MARCHF5: variants seen among roughly 807,000 people sequenced by gnomAD.
MARCHF5 encodes membrane associated ring-CH-type finger 5.
Under a neutral mutation model 36.5 loss-of-function variants are expected in MARCHF5, and 5 were observed. The ratio of observed to expected loss-of-function variants is 0.14; its 90% confidence interval spans 0.07 to 0.29. The LOEUF (loss-of-function observed/expected upper bound fraction) is 0.29. Among genes scored for constraint, MARCHF5 ranks in the 10% least tolerant of loss-of-function variants. The pLI is 1.00. For missense variants in MARCHF5, 179 were observed against 336.3 expected, an observed-to-expected ratio of 0.53 and a Z score of 3.66; for synonymous variants, 103 against 109.9, an observed-to-expected ratio of 0.94 and a Z score of 0.39.
chr10:92,316,309 G>C (rs1564946745), intron 2 of MARCHF5, among the ~76,000 whole-genome samples: 1 of 152,134 alleles, frequency 6.6e-6, no homozygotes, highest in Admixed American at 6.5e-5. Context: ...GTTACTTATT[G>C]TACTCAGTTG....
chr10:92,306,867 A>T (rs1294013741), intron 1 of MARCHF5, among the ~76,000 whole-genome samples: 1 of 152,094 alleles, frequency 6.6e-6, no homozygotes, highest in African/African-American at 2.4e-5. Context: ...TACAAAAATG[A>T]GCCAGGCGTG....
intron 2 of MARCHF5, among the ~76,000 whole-genome samples, chr10:92,315,993 T>G (rs1329469107): frequency 1.3e-5 from 2 of 152,182 alleles, no homozygotes; most frequent in African/African-American, 4.8e-5. Context: ...CTTTTATCAC[T>G]TTTTTCTCAA....
intron 3 of MARCHF5, among the ~76,000 whole-genome samples, chr10:92,341,610 G>C (rs1255827459): frequency 2.0e-5 from 3 of 151,840 alleles, no homozygotes; most frequent in African/African-American, 7.3e-5. Context: ...TGTGTGTTCA[G>C]GTCTTTTGTC....
intron 1 of MARCHF5, among the ~76,000 whole-genome samples, chr10:92,299,875 A>G (rs1037367754): frequency 1.3e-5 from 2 of 152,012 alleles, no homozygotes; most frequent in Non-Finnish European, 2.9e-5. Flanking sequence ...CAAAACTTGT[A>G]TTTTCTTACT....
At chr10:92,336,139 G>A (rs768175467) in intron 2 of MARCHF5, among the ~76,000 whole-genome samples, 17 of 152,244 alleles carry the variant, frequency 1.1e-4, no homozygotes, top group African/African-American at 2.9e-4. Flanking sequence ...AGGTTCGAGC[G>A]ATTCTTCTGC....
chr10:92,321,054 A>G (rs1271339287), intron 2 of MARCHF5, among the ~76,000 whole-genome samples: 1 of 152,030 alleles, frequency 6.6e-6, no homozygotes, highest in East Asian at 1.9e-4. Flanking sequence ...TGCCTACAGT[A>G]TTCAATACAG....
At chr10:92,304,940 C>T (rs920741770) in intron 1 of MARCHF5, among the ~76,000 whole-genome samples, 9 of 152,136 alleles carry the variant, frequency 5.9e-5, no homozygotes. Flanking sequence ...GGTTCTTTAA[C>T]CAGCTAGAAT....
chr10:92,324,785 T>C (rs770337405), intron 2 of MARCHF5, among the ~76,000 whole-genome samples: 2 of 152,350 alleles, frequency 1.3e-5, no homozygotes, highest in Non-Finnish European at 2.9e-5. Context: ...TTTTCACATA[T>C]TTGTAAATTT....
intron 3 of MARCHF5, among the ~76,000 whole-genome samples, chr10:92,348,169 G>A (rs1327877020): frequency 8.0e-6 from 1 of 124,490 alleles, no homozygotes; most frequent in Non-Finnish European, 1.6e-5. Context: ...GGCAACAAGA[G>A]CAAAAAATTC....
In MARCHF5 at chr10:92,353,849, C is replaced by T. The variant is rs902822066; in HGVS notation, c.*2642C>T. The T allele has an allele frequency of 6.6e-6, 1 of 152,550 alleles. No homozygotes were observed. Among genetic ancestry groups the T allele is most frequent in the African/African-American group, 2.4e-5 (1 of 41,428 alleles). 9.4% of individuals were successfully genotyped at this position (152,550 alleles called of 1,614,324 possible). Reference sequence around the variant, plus strand: ...AAGAATATAAAATTAAACTTAGTGACTTAATTAGTCACTGCCTTGCTAACT... The same window carrying T: ...AAGAATATAAAATTAAACTTAGTGATTTAATTAGTCACTGCCTTGCTAACT... On this transcript the variant is annotated 3_prime_UTR_variant, in exon 6 of 6. Coordinates refer to ENST00000358935, the MANE Select transcript of MARCHF5 (RefSeq NM_017824.5).
At chr10:92,291,619 C>G in intron 1 of MARCHF5, 90 bp downstream of exon 1, 4 of 1,429,986 alleles carry the variant, frequency 2.8e-6, no homozygotes, top group Non-Finnish European at 3.7e-6. Flanking sequence ...TGAGCAGAAC[C>G]CGGCGTGCCG....
chr10:92,335,688 C>CT (rs1165917079), intron 2 of MARCHF5, among the ~76,000 whole-genome samples: 3 of 151,956 alleles, frequency 2.0e-5, no homozygotes, highest in African/African-American at 7.3e-5. Context: ...AATATGAAGA[C>CT]TTTTTTTTCT....
At chr10:92,311,670 C>T (rs1843146495) in intron 2 of MARCHF5, among the ~76,000 whole-genome samples, 1 of 152,072 alleles carries the variant, frequency 6.6e-6, no homozygotes, top group Non-Finnish European at 1.5e-5. Flanking sequence ...GCTTAATTAT[C>T]TGGAGACGGT....
chr10:92,295,781 T>C (rs779406854), intron 1 of MARCHF5, among the ~76,000 whole-genome samples: 10 of 152,042 alleles, frequency 6.6e-5, no homozygotes, highest in Non-Finnish European at 1.3e-4. Context: ...TTAGCTATTA[T>C]TTGTTTATAT....
chr10:92,335,265 A>G (rs1372023482), intron 2 of MARCHF5, among the ~76,000 whole-genome samples: 2 of 152,222 alleles, frequency 1.3e-5, no homozygotes, highest in East Asian at 1.9e-4. Context: ...TTTTTTCCTA[A>G]GTTTACAACC....
intron 1 of MARCHF5, among the ~76,000 whole-genome samples, chr10:92,301,672 A>C (rs1590645688): frequency 6.6e-6 from 1 of 152,240 alleles, no homozygotes; most frequent in Non-Finnish European, 1.5e-5. Context: ...AACTCTGTAG[A>C]TGCTCAAGTC....
chr10:92,297,145 G>GAAA (rs1842955986), intron 1 of MARCHF5, among the ~76,000 whole-genome samples: 1 of 150,422 alleles, frequency 6.6e-6, no homozygotes, highest in Admixed American at 6.7e-5. Context: ...CTTTTATATA[G>GAAA]AAAAGTATAT....
chr10:92,314,742 C>CCCCG (rs1843187143), intron 2 of MARCHF5, among the ~76,000 whole-genome samples: 1 of 40,332 alleles, frequency 2.5e-5, no homozygotes, highest in African/African-American at 1.3e-4. Flanking sequence ...GCTGCTGCTT[C>CCCCG]CCCCCGCCCC....
intron 2 of MARCHF5, among the ~76,000 whole-genome samples, chr10:92,322,146 A>C (rs1332829419): frequency 6.7e-6 from 1 of 149,180 alleles, no homozygotes; most frequent in Non-Finnish European, 1.5e-5. Context: ...TGGGAGGCTG[A>C]AGCAGCAGAA....
Sources: gnomAD v4.1 joint callset for allele counts (sites outside exome capture counted in the v4.1 genomes callset) on GRCh38, gnomAD v4.1.1 for gene constraint, MANE v1.5 for transcripts, NCBI Gene and HGNC (gene_info 2026-07-23, HGNC 2026-07-21) for gene names.